The following NCAM1 variants were observed in gnomAD, a reference collection of about 807,000 sequenced individuals.
The protein encoded by NCAM1 is neural cell adhesion molecule 1.
NCAM1 carries 14 observed loss-of-function variants against 109.8 expected under a neutral mutation model. The ratio of observed to expected loss-of-function variants is 0.13; its 90% confidence interval spans 0.08 to 0.20. The LOEUF is 0.20. Among genes scored for constraint, NCAM1 ranks in the 10% least tolerant of loss-of-function variants. NCAM1 has a pLI of 1.00. For missense variants in NCAM1, 774 were observed against 1,109.9 expected, an observed-to-expected ratio of 0.70 and a Z score of 4.30; for synonymous variants, 418 against 442.9, an observed-to-expected ratio of 0.94 and a Z score of 0.70.
intron 1 of NCAM1, among the ~76,000 whole-genome samples, chr11:112,973,063 A>G (rs1348775168): frequency 6.6e-6 from 1 of 152,114 alleles, no homozygotes; most frequent in Non-Finnish European, 1.5e-5. Flanking sequence ...TGAGTTGATT[A>G]TTTTTAGATT....
chr11:113,232,220 C>G lies in NCAM1; in HGVS notation c.1291C>G (p.Gln431Glu). Residue 431 changes from glutamine to glutamate, a missense_variant, in exon 11 of 20, where the codon CAG (glutamine) becomes GAG (glutamate). By Grantham distance (29) the Gln-to-Glu change is conservative. Around this residue, in one of 4 missense-constraint regions of NCAM1, gnomAD observed 523 missense variants for 784.2 expected, o/e 0.67. Coordinates refer to ENST00000316851, the MANE Select transcript of NCAM1 (RefSeq NM_181351.5). ...GGCTGTGTACACTTGGGAGGGGAAC[C>G]AGGTGAACATCACCTGCGAGGTATT... ...PVAVYTWEGN[Q>E]VNITCEVFAY... The G allele has an allele frequency of 6.2e-7, 1 of 1,613,376 alleles. No homozygotes were observed. The highest frequency in any genetic ancestry group is 8.5e-7 in the Non-Finnish European group (1 of 1,179,622).
chr11:112,994,739 C>A (rs929706574), intron 1 of NCAM1, among the ~76,000 whole-genome samples: 5 of 152,174 alleles, frequency 3.3e-5, no homozygotes, highest in Non-Finnish European at 7.3e-5. Flanking sequence ...CAGGTCAGCT[C>A]CTTCCTAAGC....
At chr11:113,238,394 C>A (rs1945235384) in intron 14 of NCAM1, among the ~76,000 whole-genome samples, 1 of 152,154 alleles carries the variant, frequency 6.6e-6, no homozygotes. Context: ...CATATTATCA[C>A]CAAAGATAAC....
intron 14 of NCAM1, among the ~76,000 whole-genome samples, chr11:113,245,543 G>A (rs1191900274): frequency 2.6e-5 from 4 of 152,214 alleles, no homozygotes; most frequent in Non-Finnish European, 5.9e-5. Context: ...TGTCAACACA[G>A]CCATTGTCTC....
intron 1 of NCAM1, among the ~76,000 whole-genome samples, chr11:113,020,600 A>G (rs1277686056): frequency 6.6e-6 from 1 of 152,176 alleles, no homozygotes; most frequent in African/African-American, 2.4e-5. Flanking sequence ...TTAGTTTGCT[A>G]TCTCAGAGCA....
rs1401576298 is a variant in NCAM1, at chr11:112,973,943, T to C, written c.52+12279T>C. Among the ~76,000 whole-genome samples, 10 of 152,196 alleles carry C rather than the reference T, an allele frequency of 6.6e-5. No individual in the cohort carries two copies. The East Asian group carries it at 1.2e-3, about 18-fold the overall frequency. On this transcript the variant is annotated intron_variant, in intron 1 of 19. Coordinates refer to ENST00000316851, the MANE Select transcript of NCAM1 (RefSeq NM_181351.5). Reference sequence around the variant, plus strand: ...TAGATCTTGATTTTGACAAAAGTAATAGTTAAAAAATTAAAAGTGGTTTAT... The same window carrying C: ...TAGATCTTGATTTTGACAAAAGTAACAGTTAAAAAATTAAAAGTGGTTTAT...
chr11:113,241,863 T>G (rs1555119167), intron 14 of NCAM1, among the ~76,000 whole-genome samples: 1 of 152,234 alleles, frequency 6.6e-6, no homozygotes, highest in African/African-American at 2.4e-5. Context: ...CAGAAGCCCC[T>G]GTGGTTTGGA....
At chr11:112,965,429 G>A (rs192771606) in intron 1 of NCAM1, among the ~76,000 whole-genome samples, 5 of 152,072 alleles carry the variant, frequency 3.3e-5, no homozygotes, top group Admixed American at 2.6e-4. Context: ...TCCTCAGATA[G>A]GTAATATGTA....
intron 7 of NCAM1, 58 bp from the exon 8 acceptor site, chr11:113,214,310 AT>A (rs1446926292): frequency 4.4e-6 from 7 of 1,577,512 alleles, no homozygotes; most frequent in Non-Finnish European, 5.2e-6. Flanking sequence ...GCATGCCATC[AT>A]TTAAACCCAG....
chr11:113,042,706 C>A (rs1953120332), intron 1 of NCAM1, among the ~76,000 whole-genome samples: 1 of 152,304 alleles, frequency 6.6e-6, no homozygotes, highest in Middle Eastern at 3.4e-3. Context: ...TTTTCCTCAC[C>A]TGTCCCAGCT....
intron 1 of NCAM1, among the ~76,000 whole-genome samples, chr11:113,020,954 G>A (rs782082884): frequency 4.6e-5 from 7 of 151,906 alleles, no homozygotes; most frequent in Admixed American, 6.6e-5. Flanking sequence ...ATGGGATTTC[G>A]CCATGTTGGC....
At chr11:113,082,683 C>T (rs1176488131) in intron 1 of NCAM1, among the ~76,000 whole-genome samples, 1 of 152,176 alleles carries the variant, frequency 6.6e-6, no homozygotes, top group Non-Finnish European at 1.5e-5. Flanking sequence ...ACGCTCTGAG[C>T]GTGCTTGACA....
At chr11:113,195,366 A>G (rs1943820027) in intron 1 of NCAM1, among the ~76,000 whole-genome samples, 1 of 152,024 alleles carries the variant, frequency 6.6e-6, no homozygotes, top group South Asian at 2.1e-4. Context: ...TATCAACCTG[A>G]CAAGTTCCAT....
At chr11:113,191,063 A>G (rs550727217) in intron 1 of NCAM1, among the ~76,000 whole-genome samples, 8 of 152,310 alleles carry the variant, frequency 5.3e-5, no homozygotes, top group Admixed American at 2.0e-4. Flanking sequence ...CTTATCCAGA[A>G]CCCAAATTGG....
At chr11:113,173,591 GATATATATATATATATAT>G (rs5794851) in intron 1 of NCAM1, among the ~76,000 whole-genome samples, 12 of 126,742 alleles carry the variant, frequency 9.5e-5, no homozygotes, top group East Asian at 4.6e-4. Context: ...CATGTTACCT[GATATATATATATATATAT>G]ATATATATAT....
intron 1 of NCAM1, 55 bp from the exon 2 acceptor site, chr11:113,202,324 C>G (rs368316387): frequency 4.0e-5 from 56 of 1,384,632 alleles, no homozygotes; most frequent in Non-Finnish European, 5.3e-5. Flanking sequence ...TTGAACTGAA[C>G]TTTGTGGGTT....
At chr11:113,192,610 G>C (rs1159422618) in intron 1 of NCAM1, among the ~76,000 whole-genome samples, 2 of 152,126 alleles carry the variant, frequency 1.3e-5, no homozygotes, top group African/African-American at 4.8e-5. Context: ...GGCTCTATTG[G>C]GATGCAGGTG....
intron 1 of NCAM1, among the ~76,000 whole-genome samples, chr11:113,100,246 C>T (rs1014146524): frequency 6.6e-6 from 1 of 152,158 alleles, no homozygotes; most frequent in African/African-American, 2.4e-5. Context: ...GTGGTTCAAA[C>T]CCCTTGTGGA....
At chr11:113,062,528 G>A (rs1247854843) in intron 1 of NCAM1, among the ~76,000 whole-genome samples, 14 of 152,062 alleles carry the variant, frequency 9.2e-5, no homozygotes, top group African/African-American at 3.4e-4. Flanking sequence ...ACCAAGTAAA[G>A]GAACTAATAA....
Sources: gnomAD v4.1 joint callset for allele counts (sites outside exome capture counted in the v4.1 genomes callset) on GRCh38, gnomAD v4.1.1 for gene constraint, gnomAD v4.1.1 regional missense constraint, MANE v1.5 for transcripts, NCBI Gene and HGNC (gene_info 2026-07-23, HGNC 2026-07-21) for gene names.